DHRS4L2: variants seen among roughly 807,000 people sequenced by gnomAD.
DHRS4L2 encodes the protein dehydrogenase/reductase 4 like 2, also known as dehydrogenase/reductase SDR family member 4-like 2.
Under a neutral mutation model 23.9 loss-of-function variants are expected in DHRS4L2, and 22 were observed. The observed-to-expected ratio is 0.92, with a 90% CI of 0.66 to 1.31. The LOEUF is 1.31. Among genes scored for constraint, DHRS4L2 ranks in the 40% most tolerant of loss-of-function variants. The pLI is 0.00. For synonymous variants in DHRS4L2, 141 were observed against 123.7 expected, an observed-to-expected ratio of 1.14 and a Z score of -0.93; for missense variants, 385 against 303.3, an observed-to-expected ratio of 1.27 and a Z score of -2.00.
chr14:23,987,046 T>C (rs2034159472), upstream of DHRS4L2, among the ~76,000 whole-genome samples: 2 of 151,730 alleles, frequency 1.3e-5, no homozygotes, highest in Admixed American at 1.3e-4. Context: ...TGTAACTTCT[T>C]GGCTGAGGAA....
intron 1 of DHRS4L2, among the ~76,000 whole-genome samples, chr14:23,977,911 A>G (rs769183829): frequency 3.3e-5 from 5 of 151,720 alleles, no homozygotes; most frequent in Middle Eastern, 6.8e-3. Flanking sequence ...GGCTGTAACT[A>G]TGTGCCAACC....
At position 24,004,367 on chromosome 14, in the gene DHRS4L2, A is replaced by G. The variant is rs766849122; in HGVS notation, c.696A>G (p.Ala232=). 2.5e-6 allele frequency: 4 copies of G among 1,604,370 alleles called. No individual in the cohort carries two copies. Among genetic ancestry groups the G allele is most frequent in the East Asian group, 2.3e-5 (1 of 44,326 alleles). ...CSGWTRKKRK[A] ...GATGGACAAGGAAAAAGAGGAAAGC[A>G]TGAAAGAAACCCTGCGGATAAGAAG... The change falls in exon 7 of 8, where the codon GCA becomes GCG. Residue 232 remains alanine, a synonymous_variant. Transcript: ENST00000335125.
intron 1 of DHRS4L2, among the ~76,000 whole-genome samples, chr14:23,976,594 C>G (rs1184214063): frequency 6.6e-6 from 1 of 151,734 alleles, no homozygotes. Flanking sequence ...TCCAGCAACC[C>G]CATTACTGGA....
At chr14:23,988,312 G>C (rs377112432), upstream of DHRS4L2, among the ~76,000 whole-genome samples, 3 of 148,284 alleles carry the variant, frequency 2.0e-5, no homozygotes, top group African/African-American at 7.3e-5. Context: ...AGGGATATGA[G>C]ATCCTGTTTT....
At chr14:23,994,924 C>G in intron 2 of DHRS4L2, 108 bp from the exon 3 acceptor site, 3 of 1,356,138 alleles carry the variant, frequency 2.2e-6, no homozygotes, top group Middle Eastern at 2.0e-4. Context: ...GCTATGATTA[C>G]AGGCATGAGC....
chr14:23,985,399 C>A (rs887696717), upstream of DHRS4L2, among the ~76,000 whole-genome samples: 7 of 151,664 alleles, frequency 4.6e-5, no homozygotes, highest in South Asian at 2.1e-4. Flanking sequence ...TGGCAGTTGT[C>A]CTAATCCCAC....
rs1299238214 is a variant in DHRS4L2, at chr14:24,001,952, C to G, written c.665+435C>G. Among the ~76,000 whole-genome samples, 14 of 4,484 alleles carry G rather than the reference C, an allele frequency of 3.1e-3. 3 individuals are homozygous for G. Among genetic ancestry groups the G allele is most frequent in the African/African-American group, 7.5e-3 (2 of 268 alleles). 2.9% of individuals were successfully genotyped at this position (4,484 alleles called of 152,430 possible). A position where few individuals can be genotyped will look rare whatever the true frequency, so the allele number is the denominator to read the frequency against. ...TCTTCCCTTTCCATTCTTCACTTTC[C>G]TCTTCTTTTTTTTTTTTTTTTCTTT... On this transcript the variant is annotated intron_variant, in intron 6 of 7. Coordinates refer to ENST00000335125, the MANE Select transcript of DHRS4L2 (RefSeq NM_198083.4).
chr14:23,988,387 G>C (rs1247953451), upstream of DHRS4L2, among the ~76,000 whole-genome samples: 5 of 148,366 alleles, frequency 3.4e-5, 1 homozygote, highest in Admixed American at 2.1e-4. Context: ...GCAGAGTGAA[G>C]GGCAGTGCCA....
chr14:23,990,127 G>C, intron 1 of DHRS4L2, 55 bp from the exon 2 acceptor site: 1 of 1,600,444 alleles, frequency 6.2e-7, no homozygotes, highest in Non-Finnish European at 8.5e-7. Flanking sequence ...AGCCCATGCT[G>C]TCGACCTCTT....
At chr14:23,988,208 G>A (rs2138529605), upstream of DHRS4L2, among the ~76,000 whole-genome samples, 1 of 150,414 alleles carries the variant, frequency 6.6e-6, no homozygotes, top group East Asian at 2.0e-4. Flanking sequence ...GAACTTGAGT[G>A]CCCCGAGTTC....
rs368172750 is a variant in DHRS4L2 at position 23,990,194 on chromosome 14, C to T, written c.141C>T (p.Ala47=). The T allele has an allele frequency of 1.2e-6, 2 of 1,612,666 alleles. No homozygotes were observed. The highest frequency in any genetic ancestry group is 2.7e-5 in the African/African-American group (2 of 74,838). ...VTASTDGIGF[A]IARRLAQDRA... is the part of the protein sequence containing the mutation. ...TTTCTGCTCACAGGATCGGCTTCGC[C>T]ATCGCCCGGCGTTTGGCCCAGGACA... The change falls in exon 2 of 8, where the codon GCC becomes GCT. Residue 47 remains alanine, a synonymous_variant. Transcript: ENST00000335125.
chr14:23,975,291 T>G (rs978887953), intron 1 of DHRS4L2, among the ~76,000 whole-genome samples: 1 of 151,088 alleles, frequency 6.6e-6, no homozygotes, highest in Admixed American at 6.6e-5. Flanking sequence ...ATGCAAATAA[T>G]AGACAGAGAG....
chr14:23,998,011 G>A (rs995258828), intron 3 of DHRS4L2, among the ~76,000 whole-genome samples: 33 of 151,936 alleles, frequency 2.2e-4, no homozygotes, highest in Non-Finnish European at 4.0e-4. Context: ...AATTACCCCC[G>A]ATCCATGGGC....
At chr14:23,982,557 C>T (rs1439008386) in intron 1 of DHRS4L2, among the ~76,000 whole-genome samples, 1 of 138,572 alleles carries the variant, frequency 7.2e-6, no homozygotes, top group Non-Finnish European at 1.5e-5. Context: ...CTTCAAACTA[C>T]TGCAAGGCTA....
At chr14:24,001,167 G>A in intron 5 of DHRS4L2, 83 bp downstream of exon 5, 1 of 1,607,584 alleles carries the variant, frequency 6.2e-7, no homozygotes, top group Non-Finnish European at 8.5e-7. Context: ...AGAAGTTTGT[G>A]TCCCCTTGTA....
At chr14:23,973,251 G>A (rs552533026) in intron 1 of DHRS4L2, among the ~76,000 whole-genome samples, 1 of 152,072 alleles carries the variant, frequency 6.6e-6, no homozygotes, top group East Asian at 1.9e-4. Context: ...CTGCTTTCAA[G>A]GGCAGAGGTC....
rs1376702428 is a variant in DHRS4L2 at position 23,989,037 on chromosome 14, C to T, written c.90C>T (p.Leu30=). 1 of 1,600,244 alleles carries T rather than the reference C, an allele frequency of 6.2e-7. No homozygotes were observed. Among genetic ancestry groups the T allele is most frequent in the Non-Finnish European group, 8.5e-7 (1 of 1,173,572 alleles). Reference sequence around the variant, plus strand: ...CCAGGATGACCCGCCGGGACCCGCTCACAAATAAGGTGGCCCTGGTAACGG... The same window carrying T: ...CCAGGATGACCCGCCGGGACCCGCTTACAAATAAGGTGGCCCTGGTAACGG... ...ASSRMTRRDP[L]TNKVALVTAS... The change falls in exon 1 of 8, where the codon CTC becomes CTT. Residue 30 remains leucine, a synonymous_variant. Transcript: ENST00000335125.
upstream of DHRS4L2, chr14:23,988,685 G>A (rs1250432348): frequency 2.6e-5 from 24 of 925,842 alleles, no homozygotes; most frequent in South Asian, 6.2e-4. Context: ...GGGGAGGGGC[G>A]AGCCCTACAG....
At chr14:23,988,836 C>T (rs377346223), upstream of DHRS4L2, 124 of 1,443,454 alleles carry the variant, frequency 8.6e-5, 2 homozygotes, top group Middle Eastern at 1.9e-4. Context: ...CCCAGCTGGC[C>T]GAGGGCGGGA....
Sources: allele counts gnomAD v4.1 joint callset (sites outside exome capture counted in the v4.1 genomes callset), GRCh38; gene constraint gnomAD v4.1.1; transcripts MANE v1.5; gene names NCBI Gene and HGNC (gene_info 2026-07-23, HGNC 2026-07-21).